The following MSH6 variants were observed in gnomAD, a reference collection of about 807,000 sequenced individuals.
The protein encoded by MSH6 is DNA mismatch repair protein Msh6.
In MSH6, 85 loss-of-function variants were observed where a neutral mutation model predicts 119.1. The ratio of observed to expected loss-of-function variants is 0.71; its 90% CI spans 0.60 to 0.85. The LOEUF (loss-of-function observed/expected upper bound fraction) is 0.85. Ranked by LOEUF, MSH6 falls within the 40% of genes least tolerant of loss-of-function variation. MSH6 has a pLI of 0.00. For synonymous variants in MSH6, 830 were observed against 586.9 expected (o/e 1.41, Z -5.99); for missense variants, 2,163 against 1,655.3 (o/e 1.31, Z -5.32).
At chr2:47,795,418 T>C (rs1669013190) in intron 2 of MSH6, among the ~76,000 whole-genome samples, 1 of 126,346 alleles carries the variant, frequency 7.9e-6, no homozygotes, top group Admixed American at 8.3e-5. Flanking sequence ...CAACAAGTTA[T>C]TTTATGTGTG....
intron 1 of MSH6, among the ~76,000 whole-genome samples, chr2:47,788,819 G>A (rs1322357512): frequency 6.7e-6 from 1 of 148,634 alleles, no homozygotes; most frequent in Non-Finnish European, 1.5e-5. Context: ...TGATCTGCCT[G>A]CCTCGTCCTC....
At chr2:47,807,913 TA>T (rs1194971719), downstream of MSH6, 1 of 523,144 alleles carries the variant, frequency 1.9e-6, no homozygotes, top group African/African-American at 1.9e-5. Flanking sequence ...ACAGTAATGC[TA>T]AAACACCCAG....
chr2:47,807,905 A>G (rs1204188299), downstream of MSH6: 5 of 494,690 alleles, frequency 1.0e-5, no homozygotes, highest in East Asian at 9.9e-5. Context: ...GTCTTTACAC[A>G]GTAATGCTAA....
chr2:47,793,130 G>C (rs1216576792), intron 2 of MSH6, among the ~76,000 whole-genome samples: 1 of 151,470 alleles, frequency 6.6e-6, no homozygotes, highest in Non-Finnish European at 1.5e-5. Flanking sequence ...AGACTAGCCT[G>C]GCAAACATGG....
In MSH6 at chr2:47,800,283, C is replaced by T. The variant is rs587781462; in HGVS notation, c.2300C>T (p.Thr767Ile). ...TLLERVDTCH[T>I]PFGKRLLKQW... ...CTAGAGAGGGTTGATACTTGCCATA[C>T]TCCTTTTGGTAAGCGGCTCCTAAAG... The change falls in exon 4 of 10, where the codon ACT becomes ATT. Residue 767 changes from threonine to isoleucine, a missense_variant. By Grantham distance (89) the Thr-to-Ile change is moderately conservative (BLOSUM62 -1). Coordinates refer to ENST00000234420, the MANE Select transcript of MSH6 (RefSeq NM_000179.3). 4.3e-6 allele frequency: 7 copies of T among 1,614,132 alleles called. No homozygotes were observed. The highest frequency in any genetic ancestry group is 5.9e-6 in the Non-Finnish European group (7 of 1,180,032).
At position 47,800,866 on chromosome 2, in the gene MSH6, A is replaced by G. The variant is rs1060504747; in HGVS notation, c.2883A>G (p.Arg961=). ...LLEYLEKQRN[R]IGCRTIVYWG... Reference sequence around the variant, plus strand: ...AATACCTAGAGAAACAGCGCAACAGAATTGGCTGTAGGACCATAGTCTATT... The same window carrying G: ...AATACCTAGAGAAACAGCGCAACAGGATTGGCTGTAGGACCATAGTCTATT... Residue 961 remains arginine, a synonymous_variant, in exon 4 of 10, where the codon AGA becomes AGG. Transcript: ENST00000234420. 2 of 1,613,774 alleles carry G rather than the reference A, an allele frequency of 1.2e-6. No individual in the cohort carries two copies. The highest frequency in any genetic ancestry group is 8.5e-7 in the Non-Finnish European group (1 of 1,179,892).
At position 47,800,649 on chromosome 2, in the gene MSH6, A is replaced by C. The variant is rs377542011; in HGVS notation, c.2666A>C (p.Gln889Pro). ...ADGFKSKILK[Q>P]VISLQTKNPE... ...GGTTTTAAGTCTAAAATCCTTAAGCAGGTCATCTCTCTGCAGACAAAAAAT... is the reference window on the plus strand; with the variant it reads ...GGTTTTAAGTCTAAAATCCTTAAGCCGGTCATCTCTCTGCAGACAAAAAAT... Residue 889 changes from glutamine to proline, a missense_variant, in exon 4 of 10, where the codon CAG becomes CCG. Gln to Pro is a moderately conservative substitution (Grantham distance 76). Transcript: ENST00000234420. 5 of 1,614,120 alleles carry C rather than the reference A, an allele frequency of 3.1e-6. No homozygotes were observed. In the African/African-American group the frequency reaches 5.3e-5, roughly 17 times the overall value.
chr2:47,796,182 T>G, intron 3 of MSH6, 119 bp downstream of exon 3: 1 of 1,005,636 alleles, frequency 9.9e-7, no homozygotes, highest in African/African-American at 1.6e-5. Context: ...ATTATTTTAT[T>G]ATACATACAT....
At chr2:47,805,286 TC>T (rs962724903) in intron 6 of MSH6, among the ~76,000 whole-genome samples, 2 of 152,072 alleles carry the variant, frequency 1.3e-5, no homozygotes, top group African/African-American at 2.4e-5. Flanking sequence ...TTCAAGTGAT[TC>T]TCCTGCCTCA....
downstream of MSH6, chr2:47,809,029 G>A (rs1670430194): frequency 1.7e-6 from 1 of 591,576 alleles, no homozygotes; most frequent in African/African-American, 1.9e-5. Flanking sequence ...TCTTCAAGTA[G>A]ATTGATGATA....
At chr2:47,785,789 G>A (rs1018635677) in intron 1 of MSH6, among the ~76,000 whole-genome samples, 3 of 152,160 alleles carry the variant, frequency 2.0e-5, no homozygotes, top group Admixed American at 1.3e-4. Context: ...AACCAAACGG[G>A]TGTATTTATT....
At chr2:47,786,063 T>TC (rs3136248) in intron 1 of MSH6, among the ~76,000 whole-genome samples, 10,949 of 152,210 alleles carry the variant, frequency 0.072, 564 homozygotes, top group Non-Finnish European at 0.11. Context: ...AATTGTAGAC[T>TC]CCAAGTGGAA....
At chr2:47,806,149 C>T (rs1326622190) in intron 7 of MSH6, 55 bp from the exon 8 acceptor site, 2 of 1,275,486 alleles carry the variant, frequency 1.6e-6, no homozygotes, top group African/African-American at 3.2e-5. Flanking sequence ...GTTTTAATTC[C>T]TTTTTTGTTT....
chr2:47,791,953 T>G (rs377008979), intron 2 of MSH6, among the ~76,000 whole-genome samples: 5 of 152,080 alleles, frequency 3.3e-5, no homozygotes, highest in Non-Finnish European at 7.4e-5. Context: ...TTCAGGTGAT[T>G]CTCCTTCCTC....
intron 3 of MSH6, chr2:47,797,972 C>A: frequency 4.9e-6 from 1 of 204,186 alleles, no homozygotes; most frequent in Non-Finnish European, 1.0e-5. Context: ...AGTCGACTTA[C>A]CCCCCATACC....
At chr2:47,789,403 C>T (rs1229748597) in intron 1 of MSH6, 1 of 459,004 alleles carries the variant, frequency 2.2e-6, no homozygotes, top group Non-Finnish European at 4.5e-6. Context: ...CAGCTTTTCA[C>T]ACAAACTTTT....
At chr2:47,801,348 TG>T (rs1669572502) in intron 4 of MSH6, 193 bp downstream of exon 4, 3 of 431,596 alleles carry the variant, frequency 7.0e-6, no homozygotes, top group Admixed American at 4.1e-5. Flanking sequence ...AGTAGCCCTT[TG>T]GCCTTTCTTC....
intron 8 of MSH6, 39 bp downstream of exon 8, chr2:47,806,397 TGA>T: frequency 6.2e-7 from 1 of 1,612,822 alleles, no homozygotes; most frequent in Non-Finnish European, 8.5e-7. Flanking sequence ...TTCGGTTTTT[TGA>T]GAGGGCACTT....
In MSH6 at chr2:47,783,346, C is replaced by T. The variant is rs1553408211; in HGVS notation, c.113C>T (p.Pro38Leu). The T allele has an allele frequency of 3.7e-6, 6 of 1,609,636 alleles. No individual in the cohort carries two copies. In the East Asian group the frequency reaches 6.7e-5, roughly 18 times the overall value. ...GAAGGCGGCCGTGCCGCCGCTGCCC[C>T]CGGGGCCTCTCCTTCCCCAGGCGGG... is the stretch of plus-strand genomic sequence containing the variant. ...SREGGRAAAA[P>L]GASPSPGGDA... Residue 38 changes from proline (P) to leucine (L), a missense_variant, in exon 1 of 10, where the codon CCC (proline) becomes CTC (leucine). Transcript: ENST00000234420.
Sources: gnomAD v4.1 joint callset for allele counts (sites outside exome capture counted in the v4.1 genomes callset) on GRCh38, gnomAD v4.1.1 for gene constraint, MANE v1.5 for transcripts, NCBI Gene and HGNC (gene_info 2026-07-23, HGNC 2026-07-21) for gene names.